The following SCARA3 variants were observed in gnomAD, a reference collection of about 807,000 sequenced individuals.
SCARA3 encodes the protein scavenger receptor class A member 3.
In SCARA3, 39 loss-of-function variants were observed where a neutral mutation model predicts 47.0. The observed-to-expected ratio is 0.83, with a 90% CI of 0.64 to 1.08. The LOEUF (loss-of-function observed/expected upper bound fraction) is 1.08, where lower values mean the gene tolerates loss of function less well. Among genes scored for constraint, SCARA3 ranks in the 50% least tolerant of loss-of-function variants. The probability of loss-of-function intolerance (pLI) is 0.00; values close to 1 mark genes in which losing one functional copy is unlikely to be tolerated. For missense variants in SCARA3, 724 were observed against 792.3 expected (o/e 0.91, Z 1.04); for synonymous variants, 356 against 334.1 (o/e 1.07, Z -0.71).
At chr8:27,642,363 A>G (rs1801400458) in intron 1 of SCARA3, among the ~76,000 whole-genome samples, 2 of 152,234 alleles carry the variant, frequency 1.3e-5, no homozygotes, top group Non-Finnish European at 2.9e-5. Flanking sequence ...TGTACCAGGT[A>G]CTTTTCATAT....
At chr8:27,652,569 T>C (rs1187559267) in intron 3 of SCARA3, among the ~76,000 whole-genome samples, 1 of 152,222 alleles carries the variant, frequency 6.6e-6, no homozygotes, top group Non-Finnish European at 1.5e-5. Context: ...CCCCTCGTCC[T>C]GGCCCTGGCT....
chr8:27,699,400 CA>C, the SCARA3 span, among the ~76,000 whole-genome samples: 1 of 151,930 alleles, frequency 6.6e-6, no homozygotes, highest in African/African-American at 2.4e-5. Flanking sequence ...AGTGCAGTGG[CA>C]TGATCATAGT....
At chr8:27,660,549 A>C (rs1801876347) in intron 5 of SCARA3, among the ~76,000 whole-genome samples, 1 of 151,898 alleles carries the variant, frequency 6.6e-6, no homozygotes, top group African/African-American at 2.4e-5. Context: ...ATAGATAGAT[A>C]GATAGATAGA....
At chr8:27,701,095 A>AAG in the SCARA3 span, 1 of 152,242 alleles carries the variant, frequency 6.6e-6, no homozygotes, top group Admixed American at 6.5e-5. Context: ...CAGTAAAAAA[A>AAG]AAACAAAAAA....
At chr8:27,701,245 AGGTAAGTGGTTACCT>A in the SCARA3 span, 2 of 152,234 alleles carry the variant, frequency 1.3e-5, no homozygotes, top group Non-Finnish European at 1.5e-5. Context: ...TACAGAAATC[AGGTAAGTGGTTACCT>A]GGGATGGGAT....
At chr8:27,643,390 A>C (rs1428738349) in intron 1 of SCARA3, among the ~76,000 whole-genome samples, 1 of 152,136 alleles carries the variant, frequency 6.6e-6, no homozygotes, top group Non-Finnish European at 1.5e-5. Flanking sequence ...GGGACCAAAA[A>C]AGGGGCGAGT....
chr8:27,676,124 G>A (rs931556353), downstream of SCARA3, among the ~76,000 whole-genome samples: 1 of 152,194 alleles, frequency 6.6e-6, no homozygotes, highest in Non-Finnish European at 1.5e-5. Context: ...ATGTTAAGTG[G>A]TTTCAAACCC....
chr8:27,653,930 G>A (rs34787158), intron 3 of SCARA3, among the ~76,000 whole-genome samples: 5,973 of 152,026 alleles, frequency 0.039, 388 homozygotes, highest in African/African-American at 0.13. Context: ...AACCAAACTC[G>A]TCACAGAGCA....
chr8:27,705,451 C>T, the SCARA3 span, among the ~76,000 whole-genome samples: 1 of 152,366 alleles, frequency 6.6e-6, no homozygotes, highest in African/African-American at 2.4e-5. Flanking sequence ...ACTAGCAAAG[C>T]AAATGCAGCT....
chr8:27,705,062 G>A, the SCARA3 span, among the ~76,000 whole-genome samples: 2 of 152,150 alleles, frequency 1.3e-5, no homozygotes, highest in Admixed American at 1.3e-4. Context: ...CTCATTAAGG[G>A]AGCAATCAGC....
the SCARA3 span, among the ~76,000 whole-genome samples, chr8:27,730,262 G>C: frequency 6.6e-6 from 1 of 152,212 alleles, no homozygotes; most frequent in Admixed American, 6.5e-5. Flanking sequence ...GGGACACCAA[G>C]TGGCTCCTAA....
intron 1 of SCARA3, among the ~76,000 whole-genome samples, chr8:27,638,903 C>T (rs958794433): frequency 1.3e-5 from 2 of 152,300 alleles, no homozygotes; most frequent in Non-Finnish European, 2.9e-5. Flanking sequence ...AATGCGTCCT[C>T]GGTTTCAGCC....
chr8:27,644,147 G>T (rs1409767583), intron 1 of SCARA3, among the ~76,000 whole-genome samples: 1 of 152,240 alleles, frequency 6.6e-6, no homozygotes, highest in East Asian at 1.9e-4. Context: ...TGACCTAAGG[G>T]ATGACAGGAA....
chr8:27,703,818 T>G, the SCARA3 span: 1 of 151,214 alleles, frequency 6.6e-6, no homozygotes, highest in South Asian at 2.1e-4. Flanking sequence ...TGTGGTTTTT[T>G]GTTTTTTGCT....
intron 5 of SCARA3, among the ~76,000 whole-genome samples, chr8:27,660,704 T>C (rs1189997693): frequency 8.3e-6 from 1 of 119,832 alleles, no homozygotes; most frequent in African/African-American, 2.8e-5. Flanking sequence ...GATAGATAGA[T>C]AGATAGATAG....
At chr8:27,713,289 A>G in the SCARA3 span, among the ~76,000 whole-genome samples, 1 of 152,252 alleles carries the variant, frequency 6.6e-6, no homozygotes, top group Non-Finnish European at 1.5e-5. Context: ...CAAGTTTTAC[A>G]TCTAGGGCAA....
intron 5 of SCARA3, among the ~76,000 whole-genome samples, chr8:27,666,931 T>C (rs1802029400): frequency 6.6e-6 from 1 of 152,164 alleles, no homozygotes; most frequent in Admixed American, 6.5e-5. Context: ...TTACAGCCTG[T>C]GGCTTCCTGA....
the SCARA3 span, among the ~76,000 whole-genome samples, chr8:27,708,328 A>G: frequency 4.9e-3 from 745 of 152,338 alleles, 9 homozygotes; most frequent in African/African-American, 0.017. Context: ...ACAAAAAGCT[A>G]CAAAGGAAAG....
At chr8:27,650,745 G>A (rs779800264) in intron 2 of SCARA3, among the ~76,000 whole-genome samples, 1 of 152,160 alleles carries the variant, frequency 6.6e-6, no homozygotes, top group Non-Finnish European at 1.5e-5. Context: ...TTTCCTCCAT[G>A]CCAACAATTC....
Sources: allele counts gnomAD v4.1 joint callset (sites outside exome capture counted in the v4.1 genomes callset), GRCh38; gene constraint gnomAD v4.1.1; transcripts MANE v1.5; gene names NCBI Gene and HGNC (gene_info 2026-07-23, HGNC 2026-07-21).